The following ERC1 variants were observed in gnomAD, a reference collection of about 807,000 sequenced individuals.
The protein encoded by ERC1 is RAB6 interacting protein 2.
ERC1 carries 56 observed loss-of-function variants against 132.0 expected under a neutral mutation model. That is an observed-to-expected ratio of 0.42 (90% CI 0.34 to 0.53). The LOEUF (loss-of-function observed/expected upper bound fraction) is 0.53. Among genes scored for constraint, ERC1 ranks in the 20% least tolerant of loss-of-function variants. ERC1 has a pLI of 0.03. For synonymous variants in ERC1, 478 were observed against 476.1 expected (o/e 1.00, Z -0.05); for missense variants, 1,202 against 1,349.9 (o/e 0.89, Z 1.72).
intron 8 of ERC1, among the ~76,000 whole-genome samples, chr12:1,166,448 C>T (rs2154263499): frequency 6.6e-6 from 1 of 152,240 alleles, no homozygotes; most frequent in South Asian, 2.1e-4. Context: ...TCAGATATGT[C>T]TTTATCAGCA....
Position 1,121,229 on chromosome 12 carries a change from G to A in ERC1, c.1569+5196G>A, listed in dbSNP as rs527364347. On this transcript the variant is annotated intron_variant, in intron 7 of 18. Coordinates refer to ENST00000360905, the MANE Select transcript of ERC1 (RefSeq NM_178040.4). ...GATCGATTCAAACCCGCAAACTTGC[G>A]TTCTTGATCATAACGCTGCAATTCC... Among the ~76,000 whole-genome samples the A allele has an allele frequency of 5.3e-5, 8 of 152,338 alleles. No individual in the cohort carries two copies. In the South Asian group the frequency reaches 8.3e-4, roughly 16 times the overall value.
chr12:1,047,449 A>G (rs915998703), intron 2 of ERC1, among the ~76,000 whole-genome samples: 1 of 151,908 alleles, frequency 6.6e-6, no homozygotes, highest in Non-Finnish European at 1.5e-5. Flanking sequence ...CATTACCAGT[A>G]GTTGGATTTT....
At position 1,440,243 on chromosome 12, in the gene ERC1, C is replaced by G. The variant is rs372749620; in HGVS notation, c.3025-4319C>G. Among the ~76,000 whole-genome samples, 28 of 128,646 alleles carry G rather than the reference C, an allele frequency of 2.2e-4. No homozygotes were observed. The East Asian group carries it at 2.7e-3, about 12-fold the overall frequency. The allele number at this position is 128,646 out of a possible 152,430, so 84.4% of individuals were successfully genotyped here. The stretch of plus-strand genomic sequence containing the variant: ...TCCTTGAGACAGAGTCTTGCTCTGT[C>G]GCCCAGGCTGGAGTGCAGTGGTGCC... On this transcript the variant is annotated intron_variant, in intron 17 of 18. Transcript: ENST00000360905.
chr12:1,340,177 G>A (rs2083696429), intron 15 of ERC1, among the ~76,000 whole-genome samples: 1 of 152,106 alleles, frequency 6.6e-6, no homozygotes, highest in Non-Finnish European at 1.5e-5. Context: ...AGGCTATCCT[G>A]CAAGCAGGCA....
chr12:1,225,834 C>T (rs2154297492), intron 12 of ERC1, among the ~76,000 whole-genome samples: 1 of 152,268 alleles, frequency 6.6e-6, no homozygotes, highest in African/African-American at 2.4e-5. Flanking sequence ...AAAGGAATTT[C>T]TGCACCATTT....
rs201621544 is a variant in ERC1, at chr12:1,290,045, T to C, written c.2780+33T>C. On this transcript the variant is annotated intron_variant, in intron 15 of 18. Coordinates refer to ENST00000360905, the MANE Select transcript of ERC1 (RefSeq NM_178040.4). The stretch of plus-strand genomic sequence containing the variant: ...TTTGTAGTCTTATTCTTCAAGCATA[T>C]GCTTAGTGGAAATACTTTTTCTCCC... 3 of 1,586,722 alleles carry C rather than the reference T, an allele frequency of 1.9e-6. No homozygotes were observed. The East Asian group carries it at 6.7e-5, about 36-fold the overall frequency.
At chr12:1,230,004 C>CTTTT (rs754220477) in intron 12 of ERC1, among the ~76,000 whole-genome samples, 15 of 107,778 alleles carry the variant, frequency 1.4e-4, no homozygotes, top group Middle Eastern at 6.2e-3. Flanking sequence ...CTTTTTGACT[C>CTTTT]TTTTTTTTTT....
At chr12:1,270,366 C>G (rs1291973498) in intron 14 of ERC1, among the ~76,000 whole-genome samples, 1 of 152,110 alleles carries the variant, frequency 6.6e-6, no homozygotes, top group East Asian at 1.9e-4. Flanking sequence ...CACCACCACG[C>G]CTGGCTAATT....
At chr12:1,179,835 G>C (rs1165014630) in intron 8 of ERC1, among the ~76,000 whole-genome samples, 1 of 151,330 alleles carries the variant, frequency 6.6e-6, no homozygotes, top group Admixed American at 6.6e-5. Context: ...ATAGTGTCTG[G>C]CATGTAATAC....
intron 2 of ERC1, among the ~76,000 whole-genome samples, chr12:1,063,910 C>T (rs1938560120): frequency 1.3e-5 from 2 of 152,130 alleles, no homozygotes; most frequent in South Asian, 4.1e-4. Flanking sequence ...CGTGATGATA[C>T]ATATTATTCT....
chr12:1,335,790 AG>A (rs771746195), intron 15 of ERC1, among the ~76,000 whole-genome samples: 24 of 152,158 alleles, frequency 1.6e-4, no homozygotes, highest in Non-Finnish European at 3.4e-4. Flanking sequence ...AAATAGTTTC[AG>A]GGGTAATGGT....
intron 2 of ERC1, among the ~76,000 whole-genome samples, chr12:1,038,358 A>G (rs1969506679): frequency 6.6e-6 from 1 of 150,458 alleles, no homozygotes; most frequent in South Asian, 2.1e-4. Flanking sequence ...CCTTTAAAGT[A>G]TAGTTTTTTC....
At chr12:1,066,459 A>T (rs1051006902) in intron 2 of ERC1, among the ~76,000 whole-genome samples, 1 of 152,204 alleles carries the variant, frequency 6.6e-6, no homozygotes, top group African/African-American at 2.4e-5. Flanking sequence ...GGGGGCACCC[A>T]TGGTACTTAT....
At chr12:1,184,812 G>A (rs189710517) in intron 11 of ERC1, among the ~76,000 whole-genome samples, 2 of 152,236 alleles carry the variant, frequency 1.3e-5, no homozygotes, top group Non-Finnish European at 2.9e-5. Context: ...GAGTGCAGTG[G>A]CGTAATCATA....
At chr12:1,116,791 C>T (rs1490187487) in intron 7 of ERC1, among the ~76,000 whole-genome samples, 1 of 152,082 alleles carries the variant, frequency 6.6e-6, no homozygotes, top group East Asian at 1.9e-4. Flanking sequence ...CCATATTGGC[C>T]AGGCTGGTCT....
At chr12:1,154,983 T>C (rs1951229760) in intron 8 of ERC1, among the ~76,000 whole-genome samples, 1 of 152,212 alleles carries the variant, frequency 6.6e-6, no homozygotes. Context: ...ACAACCTTTA[T>C]GGAAAACTGT....
intron 15 of ERC1, among the ~76,000 whole-genome samples, chr12:1,305,654 G>C (rs1380448273): frequency 6.6e-6 from 1 of 152,180 alleles, no homozygotes; most frequent in Non-Finnish European, 1.5e-5. Context: ...TGGAGCAAGA[G>C]GGGAGGGTCA....
At chr12:1,304,971 A>G (rs531119653) in intron 15 of ERC1, among the ~76,000 whole-genome samples, 24 of 151,022 alleles carry the variant, frequency 1.6e-4, no homozygotes, top group Non-Finnish European at 8.9e-5. Flanking sequence ...TTGTATTTTT[A>G]GTAGAGACGG....
At chr12:1,322,757 G>A (rs796287497) in intron 15 of ERC1, among the ~76,000 whole-genome samples, 2 of 152,114 alleles carry the variant, frequency 1.3e-5, no homozygotes, top group African/African-American at 4.8e-5. Flanking sequence ...TTTCCATTCT[G>A]AGCTTGCTTA....
Sources: allele counts gnomAD v4.1 joint callset (sites outside exome capture counted in the v4.1 genomes callset), GRCh38; gene constraint gnomAD v4.1.1; transcripts MANE v1.5; gene names NCBI Gene and HGNC (gene_info 2026-07-23, HGNC 2026-07-21).